The following CELF1 variants were observed in gnomAD, a reference collection of about 807,000 sequenced individuals.
CELF1 encodes CUGBP Elav-like family member 1.
In CELF1, 10 loss-of-function variants were observed where a neutral mutation model predicts 61.8. That is an observed-to-expected ratio of 0.16 (90% CI 0.10 to 0.27). The LOEUF (loss-of-function observed/expected upper bound fraction) is 0.27, where lower values mean the gene tolerates loss of function less well. Among genes scored for constraint, CELF1 ranks in the 10% least tolerant of loss-of-function variants. The pLI is 1.00. For missense variants in CELF1, 380 were observed against 639.1 expected, an observed-to-expected ratio of 0.59 and a Z score of 4.37; for synonymous variants, 236 against 225.1, an observed-to-expected ratio of 1.05 and a Z score of -0.43.
intron 1 of CELF1, among the ~76,000 whole-genome samples, chr11:47,517,260 G>GAAAAAAAAAAAAAAAAAAAAAAAAA (rs57071560): frequency 2.6e-5 from 2 of 76,996 alleles, no homozygotes; most frequent in African/African-American, 3.8e-5. Context: ...AACAAACAGA[G>GAAAAAAAAAAAAAAAAAAAAAAAAA]AAAAAAAAAA....
At chr11:47,481,132 G>T in intron 9 of CELF1, among the ~76,000 whole-genome samples, 1 of 31,534 alleles carries the variant, frequency 3.2e-5, no homozygotes, top group East Asian at 1.1e-3. Flanking sequence ...TTTTTTGTGA[G>T]ACAGAGTCTC....
upstream of CELF1, among the ~76,000 whole-genome samples, chr11:47,556,626 C>T (rs2097206639): frequency 6.6e-6 from 1 of 152,190 alleles, no homozygotes; most frequent in South Asian, 2.1e-4. Flanking sequence ...ATCCCAGCTA[C>T]CCTGGAGGCC....
At chr11:47,473,350 A>T in intron 13 of CELF1, 119 bp from the exon 14 acceptor site, 2 of 932,934 alleles carry the variant, frequency 2.1e-6, no homozygotes, top group African/African-American at 3.3e-5. Flanking sequence ...ACAGAGATTC[A>T]TCTGGGGAAC....
intron 1 of CELF1, among the ~76,000 whole-genome samples, chr11:47,511,171 G>A (rs1265343879): frequency 1.3e-5 from 2 of 152,158 alleles, no homozygotes; most frequent in Non-Finnish European, 2.9e-5. Context: ...AGGCAACAGA[G>A]CAAGATCGTC....
At chr11:47,518,016 T>A (rs2153637677) in intron 1 of CELF1, among the ~76,000 whole-genome samples, 1 of 152,208 alleles carries the variant, frequency 6.6e-6, no homozygotes, top group South Asian at 2.1e-4. Flanking sequence ...TATCCCCTTG[T>A]CCACTTCCCC....
At chr11:47,479,610 T>C (rs1244475026) in intron 9 of CELF1, among the ~76,000 whole-genome samples, 6 of 152,218 alleles carry the variant, frequency 3.9e-5, no homozygotes, top group Non-Finnish European at 8.8e-5. Context: ...GAGTACGTTC[T>C]CCTTCAATGA....
At chr11:47,528,599 AAAGC>A (rs2096347774) in intron 1 of CELF1, among the ~76,000 whole-genome samples, 1 of 152,008 alleles carries the variant, frequency 6.6e-6, no homozygotes, top group Admixed American at 6.6e-5. Flanking sequence ...AGCATGGAAA[AAAGC>A]AAGATCCTGT....
At chr11:47,534,022 CTTTTTTTTTTTTT>C (rs71042679) in intron 1 of CELF1, among the ~76,000 whole-genome samples, 6 of 87,584 alleles carry the variant, frequency 6.9e-5, no homozygotes, top group Admixed American at 4.7e-4. Flanking sequence ...TTTTTCTTTC[CTTTTTTTTTTTTT>C]TTTTTTTTTG....
intron 1 of CELF1, among the ~76,000 whole-genome samples, chr11:47,531,202 G>A (rs183618571): frequency 6.8e-4 from 103 of 151,912 alleles, no homozygotes; most frequent in Non-Finnish European, 1.4e-3. Flanking sequence ...AGCTGAGATC[G>A]CACCACTGCA....
At chr11:47,494,245 G>T (rs2092584834) in intron 3 of CELF1, 1 of 276,158 alleles carries the variant, frequency 3.6e-6, no homozygotes, top group Non-Finnish European at 5.5e-6. Context: ...TCAGAAAGTG[G>T]CAAGTGTTTT....
intron 3 of CELF1, among the ~76,000 whole-genome samples, chr11:47,493,087 T>G (rs2092203487): frequency 6.6e-6 from 1 of 152,186 alleles, no homozygotes; most frequent in South Asian, 2.1e-4. Flanking sequence ...CCCAAAAGTT[T>G]AGCAGGGACT....
At chr11:47,499,327 GGTT>G in intron 3 of CELF1, 123 bp downstream of exon 3, 1 of 666,108 alleles carries the variant, frequency 1.5e-6, no homozygotes. Flanking sequence ...AGAGAATTCA[GGTT>G]GTTTTGGCTT....
intron 9 of CELF1, 168 bp downstream of exon 9, chr11:47,482,527 G>C (rs929575859): frequency 7.1e-6 from 4 of 560,440 alleles, no homozygotes; most frequent in Non-Finnish European, 1.2e-5. Context: ...TATATAGAGA[G>C]AGAAAGAGAC....
chr11:47,477,329 G>C lies in CELF1; in HGVS notation c.941C>G (p.Ser314Cys). The C allele has an allele frequency of 6.2e-7, 1 of 1,614,110 alleles. No individual in the cohort carries two copies. The highest frequency in any genetic ancestry group is 8.5e-7 in the Non-Finnish European group (1 of 1,179,998). Reference sequence around the variant, plus strand: ...AGTGAGCACGCTGAGGGGACTGCTGGATGTAGTGAGAGCATTGGTACCACT... The same window carrying C: ...AGTGAGCACGCTGAGGGGACTGCTGCATGTAGTGAGAGCATTGGTACCACT... Reference protein sequence around the residue: ...TPSGTNALTTSSSPLSVLTSS... With the variant: ...TPSGTNALTTCSSPLSVLTSS... Residue 314 changes from serine (S) to cysteine (C), a missense_variant, in exon 11 of 15, where the codon TCC becomes TGC. Ser to Cys is a moderately radical substitution (Grantham distance 112, BLOSUM62 -1). Transcript: ENST00000687097.
At chr11:47,534,022 CTTTTTTTTTTTT>C (rs71042679) in intron 1 of CELF1, among the ~76,000 whole-genome samples, 230 of 87,616 alleles carry the variant, frequency 2.6e-3, no homozygotes, top group Middle Eastern at 0.016. Flanking sequence ...TTTTTCTTTC[CTTTTTTTTTTTT>C]TTTTTTTTTT....
intron 1 of CELF1, among the ~76,000 whole-genome samples, chr11:47,546,025 C>T (rs1445324155): frequency 6.6e-6 from 1 of 151,428 alleles, no homozygotes; most frequent in Admixed American, 6.6e-5. Flanking sequence ...ATTCTCCTGC[C>T]TCAGCCTCCC....
At chr11:47,479,552 C>G (rs1318440930) in intron 9 of CELF1, among the ~76,000 whole-genome samples, 1 of 152,204 alleles carries the variant, frequency 6.6e-6, no homozygotes, top group Non-Finnish European at 1.5e-5. Flanking sequence ...CTGGTCTTCC[C>G]TGTTGCAGAT....
At chr11:47,505,995 T>C (rs1243521264) in intron 1 of CELF1, among the ~76,000 whole-genome samples, 3 of 150,306 alleles carry the variant, frequency 2.0e-5, no homozygotes, top group South Asian at 2.1e-4. Flanking sequence ...TATTAGTACG[T>C]GCATGGAATC....
At chr11:47,520,017 A>AG (rs1431135847) in intron 1 of CELF1, among the ~76,000 whole-genome samples, 1 of 151,540 alleles carries the variant, frequency 6.6e-6, no homozygotes, top group Non-Finnish European at 1.5e-5. Flanking sequence ...TCTTAAAAAA[A>AG]AAAGCCAGGA....
Sources: allele counts gnomAD v4.1 joint callset (sites outside exome capture counted in the v4.1 genomes callset), GRCh38; gene constraint gnomAD v4.1.1; transcripts MANE v1.5; gene names NCBI Gene and HGNC (gene_info 2026-07-23, HGNC 2026-07-21).